Variants in CYP4F12 observed in about 807,000 individuals in gnomAD.
CYP4F12 encodes cytochrome P450 family 4 subfamily F member 12.
Under a neutral mutation model 56.5 loss-of-function variants are expected in CYP4F12, and 60 were observed. The ratio of observed to expected loss-of-function variants is 1.06; its 90% CI spans 0.86 to 1.32. CYP4F12 has a LOEUF of 1.32. CYP4F12 is among the 40% of genes most tolerant of loss of function. The pLI, the probability that CYP4F12 is intolerant of heterozygous loss-of-function variation, is 0.00. For synonymous variants in CYP4F12, 263 were observed against 264.9 expected, an observed-to-expected ratio of 0.99 and a Z score of 0.07; for missense variants, 711 against 683.5, an observed-to-expected ratio of 1.04 and a Z score of -0.45.
intron 5 of CYP4F12, 191 bp downstream of exon 5, chr19:15,680,710 G>A (rs1568417326): frequency 2.8e-6 from 2 of 719,572 alleles, no homozygotes; most frequent in Middle Eastern, 3.1e-4. Flanking sequence ...GCACACAGTA[G>A]GTTCTCAGAA....
chr19:15,692,736 G>A (rs533250074), intron 9 of CYP4F12, among the ~76,000 whole-genome samples: 4 of 152,056 alleles, frequency 2.6e-5, no homozygotes, highest in East Asian at 1.9e-4. Flanking sequence ...TTATTTTGAC[G>A]TAAGTCCCAG....
chr19:15,678,495 C>T (rs2007109079), intron 3 of CYP4F12, 90 bp downstream of exon 3: 12 of 1,494,872 alleles, frequency 8.0e-6, no homozygotes, highest in African/African-American at 4.1e-5. Context: ...GTACTCGTGC[C>T]CCTCATTGAG....
In CYP4F12 at chr19:15,675,730, A is replaced by G. The variant is rs1036714086; in HGVS notation, c.198+2003A>G. ...CAGAAACCCACTGCAGCTGCTGAGA[A>G]TCCAGACACGCTGCTCACTGCAGAG... On this transcript the variant is annotated intron_variant, in intron 2 of 12. Coordinates refer to ENST00000550308, the MANE Select transcript of CYP4F12 (RefSeq NM_023944.4). 3.9e-5 allele frequency among the ~76,000 whole-genome samples: 6 copies of G among 152,326 alleles called. No homozygotes were observed. The East Asian group carries it at 1.2e-3, about 29-fold the overall frequency.
chr19:15,682,713 A>G (rs754295823), intron 6 of CYP4F12, among the ~76,000 whole-genome samples: 4 of 152,234 alleles, frequency 2.6e-5, no homozygotes, highest in Admixed American at 2.0e-4. Context: ...GGATGAGCCA[A>G]GCATGTGCAA....
In CYP4F12 at chr19:15,696,777, G is replaced by C. The variant is rs185400545; in HGVS notation, c.1398-131G>C. 5 of 1,279,072 alleles carry C rather than the reference G, an allele frequency of 3.9e-6. No individual in the cohort carries two copies. In the East Asian group the frequency reaches 7.6e-5, roughly 20 times the overall value. The allele number at this position is 1,279,072 out of a possible 1,614,324, so 79.2% of individuals were successfully genotyped here. A position where few individuals can be genotyped will look rare whatever the true frequency, so the allele number is the denominator to read the frequency against. On this transcript the variant is annotated intron_variant, in intron 12 of 12. Transcript: ENST00000550308. ...ATACAAGCCCACATGGGAGTCCCAGGCACGCTTAGTCTTTCTCTCTCTCTC... is the reference window on the plus strand; with the variant it reads ...ATACAAGCCCACATGGGAGTCCCAGCCACGCTTAGTCTTTCTCTCTCTCTC...
At chr19:15,695,115 A>G (rs2008059456) in intron 9 of CYP4F12, among the ~76,000 whole-genome samples, 1 of 152,108 alleles carries the variant, frequency 6.6e-6, no homozygotes, top group Non-Finnish European at 1.5e-5. Flanking sequence ...ATGTCCAACA[A>G]TGATAGACTG....
chr19:15,696,014 C>T lies in CYP4F12; in HGVS notation c.1194C>T (p.Ile398=). 1.9e-6 allele frequency: 3 copies of T among 1,614,042 alleles called. No homozygotes were observed. Among genetic ancestry groups the T allele is most frequent in the Non-Finnish European group, 2.5e-6 (3 of 1,179,964 alleles). The change falls in exon 10 of 13, where the codon ATC becomes ATT. Residue 398 remains isoleucine (I), a synonymous_variant. Coordinates refer to ENST00000550308, the MANE Select transcript of CYP4F12 (RefSeq NM_023944.4). The stretch of plus-strand genomic sequence containing the variant: ...GGTTACATCCCCCAGCTCCCTTCAT[C>T]TCCCGATGCTGCACCCAGGACATTG... The part of the protein sequence containing the change: ...SLRLHPPAPF[I]SRCCTQDIVL...
chr19:15,694,406 T>C (rs953619770), intron 9 of CYP4F12, among the ~76,000 whole-genome samples: 1 of 152,196 alleles, frequency 6.6e-6, no homozygotes, highest in African/African-American at 2.4e-5. Flanking sequence ...GTCCTTCACG[T>C]CCCTTGTAAG....
intron 7 of CYP4F12, 121 bp downstream of exon 7, chr19:15,683,884 G>C (rs1381865215): frequency 3.8e-6 from 5 of 1,314,398 alleles, no homozygotes; most frequent in African/African-American, 2.9e-5. Flanking sequence ...TTGAGAAAGG[G>C]AAGGTCACAG....
chr19:15,696,379 C>G (rs755104387), intron 11 of CYP4F12, 51 bp from the exon 12 acceptor site: 13 of 1,612,818 alleles, frequency 8.1e-6, no homozygotes, highest in Middle Eastern at 1.6e-4. Flanking sequence ...CTCTCCAAGG[C>G]TGCTGGACAT....
At chr19:15,682,973 G>T (rs1410825854) in intron 6 of CYP4F12, among the ~76,000 whole-genome samples, 1 of 152,244 alleles carries the variant, frequency 6.6e-6, no homozygotes, top group Non-Finnish European at 1.5e-5. Context: ...CTGACCTCAG[G>T]TGATGTGCCC....
chr19:15,686,365 T>C (rs1037180128), intron 9 of CYP4F12, among the ~76,000 whole-genome samples: 11 of 152,096 alleles, frequency 7.2e-5, no homozygotes, highest in Non-Finnish European at 1.5e-4. Flanking sequence ...GATGCAGTAG[T>C]GCCCTAGGTC....
intron 12 of CYP4F12, 100 bp downstream of exon 12, chr19:15,696,612 T>A: frequency 7.3e-7 from 1 of 1,368,478 alleles, no homozygotes; most frequent in Non-Finnish European, 1.0e-6. Context: ...TCTCCTTCCC[T>A]CCATTCCTTC....
At chr19:15,673,159 C>A in intron 1 of CYP4F12, 24 bp downstream of exon 1, 1 of 466,680 alleles carries the variant, frequency 2.1e-6, no homozygotes, top group Middle Eastern at 3.4e-4. Flanking sequence ...GGTGGCAGGG[C>A]TGGAAGGTCC....
At position 15,695,940 on chromosome 19, in the gene CYP4F12, G is replaced by A. The variant is rs776109999; in HGVS notation, c.1120G>A (p.Asp374Asn). 5 of 1,612,420 alleles carry A rather than the reference G, an allele frequency of 3.1e-6. No individual in the cohort carries two copies. In the South Asian group the frequency reaches 3.3e-5, roughly 11 times the overall value. Reference protein sequence around the residue: ...DRDPKEIEWDDLAQLPFLTMC... With the variant: ...DRDPKEIEWDNLAQLPFLTMC... ...GGGGCTGGGGTGTTTCCTTAGGGACGACCTGGCCCAGCTGCCCTTCCTGAC... is the reference window on the plus strand; with the variant it reads ...GGGGCTGGGGTGTTTCCTTAGGGACAACCTGGCCCAGCTGCCCTTCCTGAC... The change falls in exon 10 of 13, where the codon GAC becomes AAC. Residue 374 changes from aspartate to asparagine, a missense_variant. By Grantham distance (23) the Asp-to-Asn change is conservative. Transcript: ENST00000550308.
chr19:15,691,415 T>G (rs1470951098), intron 9 of CYP4F12, among the ~76,000 whole-genome samples: 1 of 152,234 alleles, frequency 6.6e-6, no homozygotes, highest in African/African-American at 2.4e-5. Context: ...GTAATAATGA[T>G]TGCAAATCCA....
chr19:15,678,467 A>G (rs1440398605), intron 3 of CYP4F12, 62 bp downstream of exon 3: 14 of 1,600,264 alleles, frequency 8.7e-6, no homozygotes, highest in East Asian at 4.5e-5. Flanking sequence ...TCTCTGCAGT[A>G]CCCACGTCCC....
rs1356578131 is a variant in CYP4F12, at chr19:15,688,360, AC to A, written c.1115+3164del. ...CAGGGCAAAACAAACAAACAAAAAA[AC>A]AGTTGCAAAAAAAAAAAAATACCTA... On this transcript the variant is annotated intron_variant, in intron 9 of 12. Transcript: ENST00000550308. Among the ~76,000 whole-genome samples the A allele has an allele frequency of 6.6e-5, 7 of 105,478 alleles. No individual in the cohort carries two copies. The East Asian group carries it at 1.4e-3, about 22-fold the overall frequency. 69.2% of individuals were successfully genotyped at this position (105,478 alleles called of 152,430 possible).
Position 15,678,617 on chromosome 19 carries a change from C to G in CYP4F12, c.343+212C>G. 2 of 598,078 alleles carry G rather than the reference C, an allele frequency of 3.3e-6. 1 individual carries two copies. 37.0% of individuals were successfully genotyped at this position (598,078 alleles called of 1,614,324 possible). A position where few individuals can be genotyped will look rare whatever the true frequency, so the allele number is the denominator to read the frequency against. On this transcript the variant is annotated intron_variant, in intron 3 of 12. Transcript: ENST00000550308. ...ATTCAGGGCCCTTTCTGGAAGGAAC[C>G]CCCATGCTTAAGGACACGGGTCTAG...
Sources: allele counts gnomAD v4.1 joint callset (sites outside exome capture counted in the v4.1 genomes callset), GRCh38; gene constraint gnomAD v4.1.1; transcripts MANE v1.5; gene names NCBI Gene and HGNC (gene_info 2026-07-23, HGNC 2026-07-21).